Variants in AMY2B observed in about 807,000 individuals in gnomAD.
The protein encoded by AMY2B is alpha-amylase 2B.
In AMY2B, 63 loss-of-function variants were observed where a neutral mutation model predicts 59.3. That is an observed-to-expected ratio of 1.06 (90% CI 0.87 to 1.31). The LOEUF is 1.31. AMY2B is among the 50% of genes most tolerant of loss of function. AMY2B has a pLI of 0.00. For synonymous variants in AMY2B, 180 were observed against 198.1 expected (o/e 0.91, Z 0.77); for missense variants, 635 against 626.7 (o/e 1.01, Z -0.14).
At chr1:103,569,341 T>A (rs1055572062), upstream of AMY2B, 3 of 165,566 alleles carry the variant, frequency 1.8e-5, no homozygotes, top group South Asian at 1.6e-4. Flanking sequence ...TATATATATA[T>A]AAATACAGTC....
chr1:103,577,671 C>T (rs749930014), intron 8 of AMY2B, 49 bp from the exon 9 acceptor site: 7 of 1,611,880 alleles, frequency 4.3e-6, no homozygotes, highest in Non-Finnish European at 1.7e-6. Context: ...TTATTTAAAA[C>T]AGTTGAAGTT....
At chr1:103,558,848 T>C (rs1651643547) in intron 1 of AMY2B, among the ~76,000 whole-genome samples, 1 of 152,090 alleles carries the variant, frequency 6.6e-6, no homozygotes, top group African/African-American at 2.4e-5. Flanking sequence ...TTAATCTTAT[T>C]AAACAAGATC....
intron 9 of AMY2B, among the ~76,000 whole-genome samples, chr1:103,578,718 A>G (rs1354265541): frequency 2.0e-5 from 3 of 152,200 alleles, no homozygotes; most frequent in East Asian, 1.9e-4. Flanking sequence ...TTATATTTCA[A>G]ACTATCACTT....
chr1:103,575,417 A>T, intron 6 of AMY2B, 24 bp from the exon 7 acceptor site: 1 of 1,613,208 alleles, frequency 6.2e-7, no homozygotes. Flanking sequence ...ATATTCTGTG[A>T]TAATATAATT....
intron 1 of AMY2B, among the ~76,000 whole-genome samples, chr1:103,560,454 T>C (rs1454947633): frequency 6.6e-6 from 1 of 152,142 alleles, no homozygotes; most frequent in Non-Finnish European, 1.5e-5. Flanking sequence ...TACCTTTACC[T>C]TTTTTCTATC....
intron 1 of AMY2B, among the ~76,000 whole-genome samples, chr1:103,559,817 G>C (rs151255562): frequency 6.6e-6 from 1 of 151,954 alleles, no homozygotes; most frequent in South Asian, 2.1e-4. Context: ...GTGACAAAAG[G>C]TACTATAATA....
upstream of AMY2B, chr1:103,570,373 C>T (rs989216021): frequency 1.2e-6 from 1 of 808,440 alleles, no homozygotes; most frequent in Non-Finnish European, 2.1e-6. Flanking sequence ...GTGGCATCCA[C>T]CCAGACCATC....
chr1:103,556,513 A>T (rs545284824), intron 1 of AMY2B, among the ~76,000 whole-genome samples: 2 of 152,190 alleles, frequency 1.3e-5, no homozygotes, highest in African/African-American at 4.8e-5. Flanking sequence ...AATTTGGGAG[A>T]TTTAAATAAG....
Position 103,571,656 on chromosome 1 carries a change from C to G in AMY2B, c.54C>G (p.Ser18=). ...TTGGGTTCTGCTGGGCTCAGTATTC[C>G]CCAAATACACAACAAGGACGGACAT... The part of the protein sequence containing the change: ...FTIGFCWAQY[S]PNTQQGRTSI... The change falls in exon 1 of 10, where the codon TCC becomes TCG. Residue 18 remains serine, a synonymous_variant. Transcript: ENST00000684275. The G allele has an allele frequency of 6.2e-7, 1 of 1,611,778 alleles. No homozygotes were observed.
At chr1:103,572,689 TG>T (rs1299605624) in intron 2 of AMY2B, among the ~76,000 whole-genome samples, 3 of 152,184 alleles carry the variant, frequency 2.0e-5, no homozygotes, top group South Asian at 2.1e-4. Context: ...CTCCCTTATT[TG>T]TCTTCAAAAG....
intron 1 of AMY2B, among the ~76,000 whole-genome samples, chr1:103,562,983 T>C (rs971931777): frequency 2.0e-5 from 3 of 152,194 alleles, no homozygotes; most frequent in Admixed American, 2.0e-4. Context: ...GCCGTTTCCC[T>C]ATAATGCCAT....
At chr1:103,574,141 C>G (rs1652251238) in intron 4 of AMY2B, 119 bp from the exon 5 acceptor site, 1 of 1,490,088 alleles carries the variant, frequency 6.7e-7, no homozygotes, top group Non-Finnish European at 9.0e-7. Flanking sequence ...TAATAAATAG[C>G]TTAATTTATT....
At chr1:103,571,169 A>G, upstream of AMY2B, 1 of 849,504 alleles carries the variant, frequency 1.2e-6, no homozygotes, top group Non-Finnish European at 1.5e-6. Context: ...GTTGTCTGCC[A>G]GAACACCATG....
chr1:103,568,102 A>G (rs968146489), upstream of AMY2B, among the ~76,000 whole-genome samples: 1 of 152,174 alleles, frequency 6.6e-6, no homozygotes, highest in African/African-American at 2.4e-5. Context: ...TACTGTTGCT[A>G]TTACTGTTAT....
chr1:103,567,570 C>T (rs943902218), upstream of AMY2B, among the ~76,000 whole-genome samples: 1 of 152,166 alleles, frequency 6.6e-6, no homozygotes, highest in Non-Finnish European at 1.5e-5. Context: ...TAGTCCAAGC[C>T]ACTCACCTCT....
chr1:103,565,946 A>T (rs750411695), intron 2 of AMY2B, among the ~76,000 whole-genome samples: 17 of 152,130 alleles, frequency 1.1e-4, no homozygotes, highest in Non-Finnish European at 1.8e-4. Context: ...TTTCCTGTTT[A>T]AAACAACCAA....
intron 1 of AMY2B, among the ~76,000 whole-genome samples, chr1:103,560,990 G>GT (rs545078703): frequency 4.0e-5 from 6 of 151,826 alleles, no homozygotes; most frequent in Non-Finnish European, 5.9e-5. Flanking sequence ...ATTTTTTAGT[G>GT]TTTTTTTCTC....
chr1:103,560,758 A>T (rs996660329), intron 1 of AMY2B, among the ~76,000 whole-genome samples: 1 of 152,006 alleles, frequency 6.6e-6, no homozygotes, highest in African/African-American at 2.4e-5. Flanking sequence ...TTTTTGCAGA[A>T]TTTTTTCTAC....
upstream of AMY2B, chr1:103,570,971 A>G: frequency 2.8e-6 from 1 of 353,396 alleles, no homozygotes; most frequent in Non-Finnish European, 5.4e-6. Context: ...GTGGAAGACA[A>G]GTCTGGCTTG....
Sources: allele counts gnomAD v4.1 joint callset (sites outside exome capture counted in the v4.1 genomes callset), GRCh38; gene constraint gnomAD v4.1.1; transcripts MANE v1.5; gene names NCBI Gene and HGNC (gene_info 2026-07-23, HGNC 2026-07-21).